PRKG1: variants seen among roughly 807,000 people sequenced by gnomAD.
PRKG1 encodes the protein protein kinase cGMP-dependent 1.
Under a neutral mutation model 88.1 loss-of-function variants are expected in PRKG1, and 35 were observed. The ratio of observed to expected loss-of-function variants is 0.40; its 90% CI spans 0.30 to 0.53. The LOEUF is 0.53. PRKG1 is among the 20% of genes least tolerant of loss of function. The probability of loss-of-function intolerance (pLI) is 0.59; values close to 1 mark genes in which losing one functional copy is unlikely to be tolerated. For missense variants in PRKG1, 540 were observed against 839.8 expected, an observed-to-expected ratio of 0.64 and a Z score of 4.41; for synonymous variants, 303 against 292.5, an observed-to-expected ratio of 1.04 and a Z score of -0.37.
chr10:52,288,669 G>A, intron 14 of PRKG1, 57 bp from the exon 15 acceptor site: 1 of 1,498,570 alleles, frequency 6.7e-7, no homozygotes, highest in Non-Finnish European at 8.9e-7. Flanking sequence ...AGCAATTCAA[G>A]TGTTCTCATG....
intron 2 of PRKG1, among the ~76,000 whole-genome samples, chr10:51,156,083 A>G (rs1904693): frequency 0.48 from 73,260 of 151,552 alleles, 17,725 homozygotes; most frequent in African/African-American, 0.54. Context: ...ACATGATTCA[A>G]CAACCCTGTG....
intron 2 of PRKG1, among the ~76,000 whole-genome samples, chr10:51,179,636 T>A (rs773001023): frequency 2.0e-5 from 3 of 152,220 alleles, no homozygotes; most frequent in Non-Finnish European, 4.4e-5. Flanking sequence ...TGATTCCTCC[T>A]TCTTAATCAG....
intron 5 of PRKG1, among the ~76,000 whole-genome samples, chr10:51,936,129 C>T (rs1842795626): frequency 6.6e-6 from 1 of 151,886 alleles, no homozygotes; most frequent in African/African-American, 2.4e-5. Context: ...TCTGTTTATT[C>T]AGCCTTGTCA....
chr10:51,030,212 A>G (rs765797885), intron 1 of PRKG1, among the ~76,000 whole-genome samples: 1 of 151,832 alleles, frequency 6.6e-6, no homozygotes, highest in African/African-American at 2.4e-5. Context: ...GTTTTTTTTC[A>G]TAATAAGCCT....
At position 52,297,779 on chromosome 10, in the gene PRKG1, G is replaced by A. The variant is rs779766606; in HGVS notation, c.*3879G>A. ...AATGGTCCAACCGAAAAGAAAAATT[G>A]GAAATGACTGCTAACCAGACCTCGT... On this transcript the variant is annotated 3_prime_UTR_variant, in exon 18 of 18. Transcript: ENST00000373980. 2 of 152,090 alleles carry A rather than the reference G, an allele frequency of 1.3e-5. No individual in the cohort carries two copies. The highest frequency in any genetic ancestry group is 2.9e-5 in the Non-Finnish European group (2 of 67,998). The allele number at this position is 152,090 out of a possible 1,614,324, so 9.4% of individuals were successfully genotyped here.
chr10:51,382,513 C>T (rs765806763), intron 2 of PRKG1, among the ~76,000 whole-genome samples: 31 of 152,160 alleles, frequency 2.0e-4, no homozygotes, highest in Non-Finnish European at 3.5e-4. Context: ...GTCAACTTTA[C>T]ACTTATTATG....
At position 51,351,527 on chromosome 10, in the gene PRKG1, T is replaced by C. The variant is rs536594356; in HGVS notation, c.479-116196T>C. Among the ~76,000 whole-genome samples, 3 of 151,970 alleles carry C rather than the reference T, an allele frequency of 2.0e-5. No homozygotes were observed. The East Asian group carries it at 5.8e-4, about 29-fold the overall frequency. On this transcript the variant is annotated intron_variant, in intron 2 of 17. Coordinates refer to ENST00000373980, the MANE Select transcript of PRKG1 (RefSeq NM_006258.4). ...TCAGTGATGATGAGTTTTTTTTTCATATATTTGTTGGCCACATAAATGTCT... is the reference window on the plus strand; with the variant it reads ...TCAGTGATGATGAGTTTTTTTTTCACATATTTGTTGGCCACATAAATGTCT...
At chr10:52,131,816 CAAAAAAAAAAAAAAAAAAAA>C (rs71459439) in intron 7 of PRKG1, among the ~76,000 whole-genome samples, 1 of 44,082 alleles carries the variant, frequency 2.3e-5, no homozygotes, top group Non-Finnish European at 4.0e-5. Context: ...GAAACTCCAT[CAAAAAAAAAAAAAAAAAAAA>C]AAAAAAAAAA....
chr10:51,743,754 A>G (rs1055241741), intron 3 of PRKG1, among the ~76,000 whole-genome samples: 7 of 134,660 alleles, frequency 5.2e-5, no homozygotes, highest in African/African-American at 2.0e-4. Context: ...ATATATATAT[A>G]TATATATATA....
At chr10:52,263,824 G>A (rs1335055125) in intron 10 of PRKG1, among the ~76,000 whole-genome samples, 1 of 152,034 alleles carries the variant, frequency 6.6e-6, no homozygotes, top group Admixed American at 6.6e-5. Context: ...GCTCACCTCA[G>A]CCTCCCAAAG....
chr10:51,852,971 C>T (rs1487292099), intron 4 of PRKG1, among the ~76,000 whole-genome samples: 9 of 152,042 alleles, frequency 5.9e-5, no homozygotes, highest in Non-Finnish European at 1.0e-4. Context: ...ATTTTGAAGC[C>T]TAAGGAAAAT....
chr10:51,755,996 T>C (rs1168003125), intron 3 of PRKG1, among the ~76,000 whole-genome samples: 6 of 152,220 alleles, frequency 3.9e-5, no homozygotes, highest in Non-Finnish European at 7.3e-5. Flanking sequence ...TTAAAGCAAG[T>C]TCAATCATCC....
intron 2 of PRKG1, among the ~76,000 whole-genome samples, chr10:51,210,211 G>A (rs2132071371): frequency 6.6e-6 from 1 of 152,272 alleles, no homozygotes; most frequent in South Asian, 2.1e-4. Flanking sequence ...GCTCCTGAAT[G>A]ACTACCGGGT....
At chr10:51,651,758 G>A (rs1183797225) in intron 3 of PRKG1, among the ~76,000 whole-genome samples, 3 of 151,352 alleles carry the variant, frequency 2.0e-5, no homozygotes, top group Non-Finnish European at 4.4e-5. Flanking sequence ...TAATTTTTGT[G>A]TTTTTAGTAA....
intron 8 of PRKG1, among the ~76,000 whole-genome samples, chr10:52,155,971 G>A (rs896148285): frequency 6.6e-5 from 10 of 151,872 alleles, no homozygotes; most frequent in African/African-American, 2.2e-4. Flanking sequence ...ATTCCTTTGT[G>A]CATATGCCAG....
chr10:51,584,903 G>A (rs1022397034), intron 3 of PRKG1, among the ~76,000 whole-genome samples: 1 of 152,004 alleles, frequency 6.6e-6, no homozygotes, highest in African/African-American at 2.4e-5. Flanking sequence ...TAGCAATTCA[G>A]TACAAAGAAG....
At chr10:51,155,789 T>A (rs768666446) in intron 2 of PRKG1, among the ~76,000 whole-genome samples, 1 of 151,964 alleles carries the variant, frequency 6.6e-6, no homozygotes, top group African/African-American at 2.4e-5. Flanking sequence ...AAGATGGGAC[T>A]TTTTTCTATT....
intron 5 of PRKG1, among the ~76,000 whole-genome samples, chr10:51,986,722 C>T (rs986597021): frequency 2.0e-5 from 3 of 152,178 alleles, no homozygotes; most frequent in East Asian, 1.9e-4. Flanking sequence ...GAAGTGAAAC[C>T]TCAGCTGCAG....
At chr10:51,205,572 G>T (rs552266028) in intron 2 of PRKG1, among the ~76,000 whole-genome samples, 6 of 151,834 alleles carry the variant, frequency 4.0e-5, no homozygotes, top group African/African-American at 9.7e-5. Flanking sequence ...AGTTTTGCTC[G>T]TTGCCCTAGC....
Sources: allele counts gnomAD v4.1 joint callset (sites outside exome capture counted in the v4.1 genomes callset), GRCh38; gene constraint gnomAD v4.1.1; transcripts MANE v1.5; gene names NCBI Gene and HGNC (gene_info 2026-07-23, HGNC 2026-07-21).